The following PDE4D variants were observed in gnomAD, a reference collection of about 807,000 sequenced individuals.
The protein encoded by PDE4D is 3',5'-cyclic-AMP phosphodiesterase 4D.
A neutral mutation model predicts 87.4 loss-of-function variants in PDE4D; 24 were observed. The ratio of observed to expected loss-of-function variants is 0.27; its 90% confidence interval spans 0.20 to 0.39. The LOEUF (loss-of-function observed/expected upper bound fraction) is 0.39, where lower values mean the gene tolerates loss of function less well. Among genes scored for constraint, PDE4D ranks in the 10% least tolerant of loss-of-function variants. The probability of loss-of-function intolerance (pLI) is 1.00; values close to 1 mark genes in which losing one functional copy is unlikely to be tolerated. For synonymous variants in PDE4D, 384 were observed against 383.2 expected (o/e 1.00, Z -0.02); for missense variants, 714 against 1,041.0 (o/e 0.69, Z 4.32).
Position 58,976,347 on chromosome 5 carries a change from T to C in PDE4D, c.1830+3A>G. 1 of 1,611,714 alleles carries C rather than the reference T, an allele frequency of 6.2e-7. No homozygotes were observed. Among genetic ancestry groups the C allele is most frequent in the Non-Finnish European group, 8.5e-7 (1 of 1,179,062 alleles). On this transcript the variant is annotated splice_donor_region_variant and intron_variant, in intron 13 of 14. Coordinates refer to ENST00000340635, the MANE Select transcript of PDE4D (RefSeq NM_001104631.2). ...CACAGAGCAAACTCAAACAAGGCTT[T>C]ACCTGAATCCTATCGGAATAATTAT... is the stretch of plus-strand genomic sequence containing the variant.
intron 1 of PDE4D, among the ~76,000 whole-genome samples, chr5:59,386,264 G>A (rs1035417125): frequency 3.3e-5 from 5 of 152,032 alleles, no homozygotes; most frequent in Non-Finnish European, 7.4e-5. Flanking sequence ...TTTCCAAACT[G>A]TTACATTGAA....
At chr5:60,188,713 C>T (rs1784981657) in intron 1 of PDE4D, among the ~76,000 whole-genome samples, 1 of 152,152 alleles carries the variant, frequency 6.6e-6, no homozygotes, top group Non-Finnish European at 1.5e-5. Flanking sequence ...CTTTCCAATA[C>T]TCCTGTGAGG....
intron 1 of PDE4D, among the ~76,000 whole-genome samples, chr5:59,881,202 TG>T (rs1749389631): frequency 6.6e-6 from 1 of 152,182 alleles, no homozygotes; most frequent in African/African-American, 2.4e-5. Flanking sequence ...GGAGTAGCTG[TG>T]GGCATTTTAT....
chr5:59,357,566 A>G (rs143092892), intron 1 of PDE4D, among the ~76,000 whole-genome samples: 1 of 152,322 alleles, frequency 6.6e-6, no homozygotes, highest in Non-Finnish European at 1.5e-5. Flanking sequence ...GCGTCACCTT[A>G]GAGAGTGAAT....
In PDE4D at chr5:60,357,193, G is replaced by A. The variant is rs78779277; in HGVS notation, c.-90+130749C>T. ...AGGGAATAATTGAAATCAGAGGCCC[G>A]AGAGCTGTCCCACAGGTTAGGTGAG... On this transcript the variant is annotated intron_variant, in intron 1 of 16. Transcript: ENST00000502484. 0.012 allele frequency among the ~76,000 whole-genome samples: 1,810 copies of A among 150,728 alleles called. 59 individuals are homozygous for A. The East Asian group carries it at 0.13, about 11-fold the overall frequency.
intron 12 of PDE4D, 110 bp downstream of exon 12, chr5:58,977,081 A>AAT (rs200532996): frequency 2.1e-6 from 2 of 956,752 alleles, no homozygotes; most frequent in South Asian, 3.3e-5. Context: ...AAGGGCCATA[A>AAT]TATGTTTTGA....
At chr5:59,683,623 A>G (rs1749390945) in intron 1 of PDE4D, among the ~76,000 whole-genome samples, 1 of 152,192 alleles carries the variant, frequency 6.6e-6, no homozygotes, top group Non-Finnish European at 1.5e-5. Context: ...TCGAGCAGAA[A>G]ATAGCTATTC....
At chr5:59,291,578 T>C (rs760219286) in intron 1 of PDE4D, among the ~76,000 whole-genome samples, 9 of 151,972 alleles carry the variant, frequency 5.9e-5, no homozygotes, top group African/African-American at 1.2e-4. Flanking sequence ...TAGGGTAAAA[T>C]TGGATTGTTT....
At chr5:59,652,343 C>T (rs1317298750) in intron 1 of PDE4D, among the ~76,000 whole-genome samples, 1 of 152,148 alleles carries the variant, frequency 6.6e-6, no homozygotes, top group Non-Finnish European at 1.5e-5. Flanking sequence ...AAAAAATGAA[C>T]CTTAGACAAA....
chr5:59,584,989 G>A (rs796825102), intron 1 of PDE4D, among the ~76,000 whole-genome samples: 2 of 152,192 alleles, frequency 1.3e-5, no homozygotes, highest in African/African-American at 4.8e-5. Flanking sequence ...GCTGATGCCT[G>A]ACCCTCACCA....
At chr5:59,054,664 A>C (rs1762081963) in intron 5 of PDE4D, among the ~76,000 whole-genome samples, 1 of 152,046 alleles carries the variant, frequency 6.6e-6, no homozygotes, top group South Asian at 2.1e-4. Context: ...CATAAGAGTA[A>C]ATATATATTC....
At chr5:59,903,834 T>G (rs73099568) in intron 3 of PDE4D, among the ~76,000 whole-genome samples, 3,501 of 152,220 alleles carry the variant, frequency 0.023, 137 homozygotes, top group African/African-American at 0.08. Context: ...TCCCAATACC[T>G]AGTTCTCTGC....
At chr5:59,883,606 T>C (rs1210168944) in intron 1 of PDE4D, among the ~76,000 whole-genome samples, 2 of 152,222 alleles carry the variant, frequency 1.3e-5, no homozygotes, top group Non-Finnish European at 2.9e-5. Flanking sequence ...GCACACACCA[T>C]ATCACATAGC....
chr5:60,107,206 A>C (rs1233575335), intron 2 of PDE4D, among the ~76,000 whole-genome samples: 7 of 152,222 alleles, frequency 4.6e-5, no homozygotes, highest in African/African-American at 1.4e-4. Flanking sequence ...AATACAAACT[A>C]CCATTAGAGA....
intron 1 of PDE4D, among the ~76,000 whole-genome samples, chr5:59,293,285 G>A (rs973903707): frequency 2.0e-5 from 3 of 152,096 alleles, no homozygotes; most frequent in African/African-American, 7.2e-5. Context: ...TACCTGGTGA[G>A]TGGCTTAGGA....
At chr5:59,613,804 A>C (rs1192926768) in intron 1 of PDE4D, among the ~76,000 whole-genome samples, 1 of 152,212 alleles carries the variant, frequency 6.6e-6, no homozygotes, top group Non-Finnish European at 1.5e-5. Context: ...CCAATTTATA[A>C]GAGAGAAACA....
chr5:59,793,347 A>G (rs957600075), intron 1 of PDE4D, among the ~76,000 whole-genome samples: 5 of 152,228 alleles, frequency 3.3e-5, no homozygotes, highest in African/African-American at 1.2e-4. Context: ...AACTAGTCAT[A>G]TGATTTGTTT....
chr5:59,055,780 G>A (rs2968009), intron 5 of PDE4D, among the ~76,000 whole-genome samples: 48,374 of 151,972 alleles, frequency 0.32, 8,689 homozygotes, highest in East Asian at 0.74. Context: ...AGACAAAGTT[G>A]GGAAACCAGA....
chr5:59,475,689 T>C (rs1007447430), intron 1 of PDE4D, among the ~76,000 whole-genome samples: 4 of 151,998 alleles, frequency 2.6e-5, no homozygotes, highest in Admixed American at 6.6e-5. Flanking sequence ...AACAAAAAGG[T>C]TGGCTTAGCC....
Sources: gnomAD v4.1 joint callset for allele counts (sites outside exome capture counted in the v4.1 genomes callset) on GRCh38, gnomAD v4.1.1 for gene constraint, MANE v1.5 for transcripts, NCBI Gene and HGNC (gene_info 2026-07-23, HGNC 2026-07-21) for gene names.